The following LGR5 variants were observed in gnomAD, a reference collection of about 807,000 sequenced individuals.
LGR5 encodes leucine rich repeat containing G protein-coupled receptor 5.
LGR5 carries 54 observed loss-of-function variants against 76.7 expected under a neutral mutation model. The observed-to-expected ratio is 0.70, with a 90% CI of 0.57 to 0.88. The LOEUF (loss-of-function observed/expected upper bound fraction) is 0.88. LGR5 is among the 40% of genes least tolerant of loss of function. The pLI, the probability that LGR5 is intolerant of heterozygous loss-of-function variation, is 0.00. For synonymous variants in LGR5, 406 were observed against 421.9 expected, an observed-to-expected ratio of 0.96 and a Z score of 0.46; for missense variants, 1,078 against 1,073.3, an observed-to-expected ratio of 1.00 and a Z score of -0.06.
At chr12:71,569,321 A>G (rs1338585439) in intron 11 of LGR5, among the ~76,000 whole-genome samples, 3 of 152,246 alleles carry the variant, frequency 2.0e-5, no homozygotes, top group Non-Finnish European at 4.4e-5. Flanking sequence ...GATCTAATTA[A>G]ACTAAAGAGC....
intron 8 of LGR5, among the ~76,000 whole-genome samples, chr12:71,562,919 C>T (rs1878131090): frequency 6.6e-6 from 1 of 152,134 alleles, no homozygotes; most frequent in Admixed American, 6.6e-5. Context: ...AAAAACTATT[C>T]ATTGTTTCTG....
intron 4 of LGR5, among the ~76,000 whole-genome samples, chr12:71,538,226 T>C (rs1876698925): frequency 6.6e-6 from 1 of 152,102 alleles, no homozygotes; most frequent in Admixed American, 6.6e-5. Context: ...AAAATCAGAA[T>C]CTCTGGCCAG....
intron 5 of LGR5, among the ~76,000 whole-genome samples, chr12:71,555,505 G>T (rs1352151502): frequency 1.3e-5 from 2 of 152,050 alleles, no homozygotes; most frequent in African/African-American, 4.8e-5. Context: ...AATCTCCTTG[G>T]GCAGCAGAAA....
rs1871731065 is a variant in LGR5, at chr12:71,440,806, T to C, written c.212+514T>C. On this transcript the variant is annotated intron_variant, in intron 1 of 17. Coordinates refer to ENST00000266674, the MANE Select transcript of LGR5 (RefSeq NM_003667.4). This position sits in a 1 kb window ranked among gnomAD's most constrained non-coding sequence, Gnocchi z 5.3. ...TTGCACTGTGACGTGATGTAACCTT[T>C]TTGGGGTTTTTTCCTCTTTTCCTCC... Among the ~76,000 whole-genome samples the C allele has an allele frequency of 6.6e-6, 1 of 152,174 alleles. No individual in the cohort carries two copies. Among genetic ancestry groups the C allele is most frequent in the South Asian group, 2.1e-4 (1 of 4,826 alleles).
intron 2 of LGR5, among the ~76,000 whole-genome samples, chr12:71,523,562 C>T (rs1875828758): frequency 6.6e-6 from 1 of 152,160 alleles, no homozygotes; most frequent in Non-Finnish European, 1.5e-5. Context: ...TGATCAGCTC[C>T]TCAAAATACT....
chr12:71,575,737 T>C (rs1158385253), intron 13 of LGR5, among the ~76,000 whole-genome samples: 1 of 151,798 alleles, frequency 6.6e-6, no homozygotes, highest in African/African-American at 2.4e-5. Flanking sequence ...TGTGTGTGTG[T>C]GTGTGTGTGT....
chr12:71,546,081 G>A (rs1877143412), intron 4 of LGR5, among the ~76,000 whole-genome samples: 1 of 152,260 alleles, frequency 6.6e-6, no homozygotes, highest in Non-Finnish European at 1.5e-5. Flanking sequence ...GGGAGGCCAA[G>A]GCAGGCAGAT....
At chr12:71,519,521 C>T (rs537352668) in intron 2 of LGR5, among the ~76,000 whole-genome samples, 4 of 152,094 alleles carry the variant, frequency 2.6e-5, no homozygotes, top group African/African-American at 7.2e-5. Flanking sequence ...AACACAAAGC[C>T]GGGCACGGTG....
chr12:71,504,272 A>AAGTTGAGTTATGTCTAG (rs1303359936), intron 1 of LGR5, among the ~76,000 whole-genome samples: 1 of 152,128 alleles, frequency 6.6e-6, no homozygotes, highest in Non-Finnish European at 1.5e-5. Flanking sequence ...GCAAGACACA[A>AAGTTGAGTTATGTCTAG]AGTTGAGTTA....
intron 1 of LGR5, among the ~76,000 whole-genome samples, chr12:71,496,384 A>G: frequency 6.7e-6 from 1 of 149,088 alleles, no homozygotes; most frequent in East Asian, 1.9e-4. Context: ...AAAAAAAAAA[A>G]AAAAAAAAGA....
At position 71,584,471 on chromosome 12, in the gene LGR5, A is replaced by G. The variant is rs149958967; in HGVS notation, c.2461A>G (p.Ile821Val). The G allele has an allele frequency of 1.5e-5, 25 of 1,613,962 alleles. No individual in the cohort carries two copies. In the African/African-American group the frequency reaches 3.3e-4, roughly 22 times the overall value. Residue 821 changes from isoleucine to valine, a missense_variant, in exon 18 of 18, where the codon ATC (isoleucine) becomes GTC (valine). Coordinates refer to ENST00000266674, the MANE Select transcript of LGR5 (RefSeq NM_003667.4). ...TGCATGTCTCAATCCCCTTCTCTAC[A>G]TCTTGTTCAATCCTCACTTTAAGGA... ...LPACLNPLLY[I>V]LFNPHFKEDL...
chr12:71,516,853 C>G (rs1213219929), intron 2 of LGR5, among the ~76,000 whole-genome samples: 1 of 151,770 alleles, frequency 6.6e-6, no homozygotes, highest in African/African-American at 2.4e-5. Context: ...CAATATGAGT[C>G]ACATTTGGAG....
upstream of LGR5, among the ~76,000 whole-genome samples, chr12:71,439,310 C>T (rs947194997): frequency 6.6e-6 from 1 of 152,180 alleles, no homozygotes; most frequent in South Asian, 2.1e-4. Flanking sequence ...TGCCTCCTTA[C>T]CCTGATAACG....
chr12:71,570,289 C>T (rs1878545721), intron 11 of LGR5, among the ~76,000 whole-genome samples: 1 of 152,180 alleles, frequency 6.6e-6, no homozygotes, highest in Admixed American at 6.5e-5. Context: ...CCTGTACATT[C>T]TGCACATGTA....
At position 71,514,168 on chromosome 12, in the gene LGR5, T is replaced by A. The variant is rs568046631; in HGVS notation, c.284+9483T>A. Reference sequence around the variant, plus strand: ...AGGGTAGAGGGTAGAAAATCAACCATTATAGGCTACATTGTATAGAATGTA... The same window carrying A: ...AGGGTAGAGGGTAGAAAATCAACCAATATAGGCTACATTGTATAGAATGTA... On this transcript the variant is annotated intron_variant, in intron 2 of 17. Coordinates refer to ENST00000266674, the MANE Select transcript of LGR5 (RefSeq NM_003667.4). Among the ~76,000 whole-genome samples the A allele has an allele frequency of 8.4e-4, 128 of 152,292 alleles. No homozygotes were observed. The Middle Eastern group carries it at 0.01, about 12-fold the overall frequency.
intron 5 of LGR5, among the ~76,000 whole-genome samples, chr12:71,555,422 G>A (rs1877708508): frequency 6.6e-6 from 1 of 152,076 alleles, no homozygotes; most frequent in African/African-American, 2.4e-5. Flanking sequence ...GTTCTCACTG[G>A]CTCTGACCTA....
In LGR5 at chr12:71,571,550, T is replaced by A. The variant is rs977752233; in HGVS notation, c.1107T>A (p.Ser369Arg). ...ACAACCTATTAGAAGATTTACCCAGTTTTTCAGTCTGCCAAAAGCTTCAGA... is the reference window on the plus strand; with the variant it reads ...ACAACCTATTAGAAGATTTACCCAGATTTTCAGTCTGCCAAAAGCTTCAGA... ...LSYNLLEDLP[S>R]FSVCQKLQKI... Residue 369 changes from serine (S) to arginine (R), a missense_variant, in exon 12 of 18, where the codon AGT becomes AGA. Coordinates refer to ENST00000266674, the MANE Select transcript of LGR5 (RefSeq NM_003667.4). 1.2e-6 allele frequency: 2 copies of A among 1,613,022 alleles called. No individual in the cohort carries two copies. Among genetic ancestry groups the A allele is most frequent in the Non-Finnish European group, 1.7e-6 (2 of 1,179,330 alleles).
intron 3 of LGR5, among the ~76,000 whole-genome samples, chr12:71,529,270 T>G (rs942329593): frequency 6.6e-5 from 10 of 152,144 alleles, no homozygotes; most frequent in African/African-American, 1.7e-4. Context: ...TGGCTCACAG[T>G]TCTGCATGGC....
chr12:71,566,022 C>T (rs1476669171), intron 8 of LGR5, among the ~76,000 whole-genome samples: 3 of 150,746 alleles, frequency 2.0e-5, no homozygotes, highest in Admixed American at 1.3e-4. Context: ...AGATAGACTT[C>T]GTCTTTCATT....
Sources: allele counts gnomAD v4.1 joint callset (sites outside exome capture counted in the v4.1 genomes callset), GRCh38; gene constraint gnomAD v4.1.1; non-coding constraint Gnocchi (gnomAD v3.1); transcripts MANE v1.5; gene names NCBI Gene and HGNC (gene_info 2026-07-23, HGNC 2026-07-21).